The following AMMECR1 variants were observed in gnomAD, a reference collection of about 807,000 sequenced individuals.
AMMECR1 encodes nuclear protein AMMECR1.
Under a neutral mutation model 22.5 loss-of-function variants are expected in AMMECR1, and 3 were observed. That is an observed-to-expected ratio of 0.13 (90% CI 0.06 to 0.35). The LOEUF (loss-of-function observed/expected upper bound fraction) is 0.35, where lower values mean the gene tolerates loss of function less well. Among genes scored for constraint, AMMECR1 ranks in the 10% least tolerant of loss-of-function variants. The pLI is 1.00. For synonymous variants in AMMECR1, 130 were observed against 116.7 expected, an observed-to-expected ratio of 1.11 and a Z score of -0.74; for missense variants, 235 against 278.7, an observed-to-expected ratio of 0.84 and a Z score of 1.12.
At chrX:110,227,415 A>C (rs1317084331) in intron 2 of AMMECR1, among the ~76,000 whole-genome samples, 2 of 112,247 alleles carry the variant, frequency 1.8e-5, no homozygotes, top group Non-Finnish European at 3.8e-5. Context: ...AACTAAAGAA[A>C]AGAATGAAGT....
intron 1 of AMMECR1, among the ~76,000 whole-genome samples, chrX:110,273,856 A>G (rs2067811904): frequency 8.9e-6 from 1 of 112,274 alleles, no homozygotes; most frequent in Non-Finnish European, 1.9e-5. Flanking sequence ...TTGTACCAGT[A>G]TCATGCTGTT....
intron 1 of AMMECR1, among the ~76,000 whole-genome samples, chrX:110,428,600 T>TC (rs1249086512): frequency 9.1e-6 from 1 of 110,071 alleles, no homozygotes; most frequent in Non-Finnish European, 1.9e-5. Flanking sequence ...ATCTGAACAC[T>TC]CCCCCCCTCT....
chrX:110,401,645 C>G (rs935158380), intron 2 of AMMECR1, among the ~76,000 whole-genome samples: 1 of 111,510 alleles, frequency 9.0e-6, no homozygotes. Flanking sequence ...CTCCTACAAC[C>G]AAAGGGTGTT....
At chrX:110,208,175 T>C (rs1275024085) in intron 3 of AMMECR1, among the ~76,000 whole-genome samples, 1 of 112,266 alleles carries the variant, frequency 8.9e-6, no homozygotes, top group Non-Finnish European at 1.9e-5. Context: ...GACCAGTTCC[T>C]ATACCTGTCT....
intron 1 of AMMECR1, among the ~76,000 whole-genome samples, chrX:110,311,764 G>C (rs1215103133): frequency 9.0e-6 from 1 of 111,722 alleles, no homozygotes; most frequent in Non-Finnish European, 1.9e-5. Context: ...TTTGCTCTTA[G>C]CAACACTAAC....
chrX:110,305,139 T>C (rs1018828352), intron 1 of AMMECR1, among the ~76,000 whole-genome samples: 1 of 112,278 alleles, frequency 8.9e-6, no homozygotes, highest in Non-Finnish European at 1.9e-5. Context: ...TTTATGCCTA[T>C]TTTATAGATT....
intron 2 of AMMECR1, among the ~76,000 whole-genome samples, chrX:110,232,889 CAAAAAAA>C (rs775605567): frequency 8.4e-4 from 10 of 11,914 alleles, no homozygotes; most frequent in African/African-American, 3.9e-3. Flanking sequence ...GACTCAGTCT[CAAAAAAA>C]AAAAAAAAAA....
At chrX:110,415,549 C>A (rs192567665) in intron 2 of AMMECR1, among the ~76,000 whole-genome samples, 2 of 111,421 alleles carry the variant, frequency 1.8e-5, no homozygotes, top group Non-Finnish European at 3.8e-5. Context: ...TATTGATGCC[C>A]AGTGTACTCT....
chrX:110,274,596 T>G (rs951628731), intron 1 of AMMECR1, among the ~76,000 whole-genome samples: 1 of 111,619 alleles, frequency 9.0e-6, no homozygotes, highest in African/African-American at 3.2e-5. Context: ...TTTCTGTCTT[T>G]TTGCTTTTAA....
At chrX:110,241,682 G>T (rs1010275479) in intron 2 of AMMECR1, among the ~76,000 whole-genome samples, 1 of 107,940 alleles carries the variant, frequency 9.3e-6, no homozygotes, top group African/African-American at 3.4e-5. Flanking sequence ...CTAGGGGAGG[G>T]ATAGCATTAG....
intron 2 of AMMECR1, among the ~76,000 whole-genome samples, chrX:110,330,781 T>C (rs2068117649): frequency 9.0e-6 from 1 of 111,555 alleles, no homozygotes; most frequent in Admixed American, 9.6e-5. Context: ...ATTTCTTCAC[T>C]CTCACTCTCC....
chrX:110,362,691 T>G (rs1369789104), intron 2 of AMMECR1, among the ~76,000 whole-genome samples: 1 of 112,082 alleles, frequency 8.9e-6, no homozygotes, highest in African/African-American at 3.2e-5. Context: ...TTACCAGTTC[T>G]TACTGACTGT....
intron 1 of AMMECR1, among the ~76,000 whole-genome samples, chrX:110,432,884 C>T (rs565130940): frequency 8.9e-6 from 1 of 112,946 alleles, no homozygotes; most frequent in East Asian, 2.8e-4. Context: ...TGTCATGCAT[C>T]CTCAGACGCT....
intron 1 of AMMECR1, among the ~76,000 whole-genome samples, chrX:110,428,605 C>G (rs1413010460): frequency 1.8e-5 from 2 of 111,252 alleles, no homozygotes; most frequent in East Asian, 2.8e-4. Context: ...AACACTCCCC[C>G]CCTCTCCAAG....
In AMMECR1 at chrX:110,317,648, G is replaced by T. The variant is rs751252026; in HGVS notation, c.424C>A (p.Leu142Met). The change falls in exon 1 of 6, where the codon CTG (leucine) becomes ATG (methionine). Residue 142 changes from leucine (L) to methionine (M), a missense_variant. Coordinates refer to ENST00000262844, the MANE Select transcript of AMMECR1 (RefSeq NM_015365.3). ...CFCFDVLYCH[L>M]YGYQQPRTPR... is the part of the protein sequence containing the mutation. ...GTCCGGGGCTGCTGGTATCCATACA[G>T]GTGACAGTAGAGCACATCGAAGCAA... is the stretch of plus-strand genomic sequence containing the variant. 2 of 1,208,383 alleles carry T rather than the reference G, an allele frequency of 1.7e-6. No homozygotes were observed. The highest frequency in any genetic ancestry group is 3.6e-5 in the South Asian group (2 of 56,078).
At chrX:110,408,540 T>C (rs1342096693) in intron 2 of AMMECR1, among the ~76,000 whole-genome samples, 2 of 112,426 alleles carry the variant, frequency 1.8e-5, no homozygotes, top group Admixed American at 1.9e-4. Flanking sequence ...GTTTTATACC[T>C]AAGCATAAAG....
intron 3 of AMMECR1, among the ~76,000 whole-genome samples, chrX:110,211,617 T>A (rs974770796): frequency 1.4e-4 from 16 of 112,588 alleles, no homozygotes; most frequent in Non-Finnish European, 1.1e-4. Flanking sequence ...ACAATGGTGA[T>A]GAGTTTCCGT....
upstream of AMMECR1, among the ~76,000 whole-genome samples, chrX:110,321,218 G>T (rs1424491800): frequency 9.0e-6 from 1 of 111,429 alleles, no homozygotes; most frequent in Non-Finnish European, 1.9e-5. Flanking sequence ...AAGTATAAAG[G>T]TCAAAATATG....
chrX:110,308,363 A>T (rs894917611), intron 1 of AMMECR1, among the ~76,000 whole-genome samples: 3 of 110,655 alleles, frequency 2.7e-5, no homozygotes, highest in African/African-American at 9.9e-5. Flanking sequence ...CCTGATTCCT[A>T]TATGCCCTCT....
Sources: allele counts gnomAD v4.1 joint callset (sites outside exome capture counted in the v4.1 genomes callset), GRCh38; gene constraint gnomAD v4.1.1; transcripts MANE v1.5; gene names NCBI Gene and HGNC (gene_info 2026-07-23, HGNC 2026-07-21).